XKR5: variants seen among roughly 807,000 people sequenced by gnomAD.
XKR5 encodes the protein XK related 5.
A neutral mutation model predicts 40.8 loss-of-function variants in XKR5; 46 were observed. The ratio of observed to expected loss-of-function variants is 1.13; its 90% CI spans 0.89 to 1.44. The LOEUF is 1.44. XKR5 is among the 40% of genes most tolerant of loss of function. XKR5 has a pLI of 0.00. For synonymous variants in XKR5, 466 were observed against 356.1 expected (o/e 1.31, Z -3.48); for missense variants, 1,169 against 844.7 (o/e 1.38, Z -4.76).
chr8:6,811,707 C>A lies in XKR5; in HGVS notation c.1552G>T (p.Ala518Ser), dbSNP rs766723049. ...GEGTPKEGAD[A>S]VSGTQGKGTG... ...CCCTTCCCCTGTGTCCCAGAAACAG[C>A]GTCAGCTCCTTCCTTTGGGGTGCCC... The change falls in exon 7 of 7, where the codon GCT becomes TCT. Residue 518 changes from alanine to serine, a missense_variant. Physicochemically the swap from Ala to Ser is moderately conservative, Grantham distance 99. Transcript: ENST00000618742. The A allele has an allele frequency of 2.6e-6, 4 of 1,537,540 alleles. No individual in the cohort carries two copies. The African/African-American group carries it at 4.1e-5, about 16-fold the overall frequency.
intron 5 of XKR5, among the ~76,000 whole-genome samples, chr8:6,817,662 G>T (rs576137001): frequency 1.4e-4 from 21 of 152,332 alleles, no homozygotes; most frequent in Non-Finnish European, 2.4e-4. Context: ...TTGGTGCTGG[G>T]TGGATAGGAC....
intron 5 of XKR5, among the ~76,000 whole-genome samples, chr8:6,817,632 C>T (rs1369355645): frequency 6.6e-6 from 1 of 152,216 alleles, no homozygotes; most frequent in Non-Finnish European, 1.5e-5. Flanking sequence ...GGAGAAGGTA[C>T]TGTTTGTTCC....
chr8:6,821,864 C>T lies in XKR5; in HGVS notation c.807+5G>A. On this transcript the variant is annotated splice_donor_5th_base_variant and intron_variant, in intron 5 of 6. Transcript: ENST00000618742. ...AAAGTTAGGATAAAGAAAAGTGCCA[C>T]TTGCCATGTAGAACGTGACCATCCT... is the stretch of plus-strand genomic sequence containing the variant. The T allele has an allele frequency of 6.2e-7, 1 of 1,612,394 alleles. No homozygotes were observed. The highest frequency in any genetic ancestry group is 8.5e-7 in the Non-Finnish European group (1 of 1,179,176).
chr8:6,827,861 T>C (rs943065358), intron 2 of XKR5, among the ~76,000 whole-genome samples: 8 of 151,518 alleles, frequency 5.3e-5, no homozygotes, highest in African/African-American at 1.7e-4. Context: ...AGCTTGGGAG[T>C]TTGAGACCAG....
At chr8:6,815,959 C>G (rs777400016) in intron 5 of XKR5, 41 bp from the exon 6 acceptor site, 1 of 1,479,360 alleles carries the variant, frequency 6.8e-7, no homozygotes, top group Middle Eastern at 1.7e-4. Context: ...TCGTCAGGTG[C>G]ACACTGCCTA....
At chr8:6,832,552 C>T (rs1300721050) in intron 2 of XKR5, among the ~76,000 whole-genome samples, 165 bp downstream of exon 2, 1 of 151,610 alleles carries the variant, frequency 6.6e-6, no homozygotes, top group African/African-American at 2.4e-5. Flanking sequence ...GCAGGCTGGA[C>T]CCGGGCATGC....
At chr8:6,830,580 G>A (rs771720908) in intron 2 of XKR5, among the ~76,000 whole-genome samples, 9 of 152,008 alleles carry the variant, frequency 5.9e-5, no homozygotes, top group Admixed American at 3.3e-4. Flanking sequence ...GCTCTATCTT[G>A]TTTTCTAACA....
intron 5 of XKR5, among the ~76,000 whole-genome samples, chr8:6,820,186 C>T (rs1197287729): frequency 1.3e-5 from 2 of 152,260 alleles, no homozygotes; most frequent in African/African-American, 4.8e-5. Context: ...CCATCACATG[C>T]TGTAGGGATC....
chr8:6,827,403 G>A (rs1207348217), intron 2 of XKR5, among the ~76,000 whole-genome samples: 1 of 152,212 alleles, frequency 6.6e-6, no homozygotes, highest in Non-Finnish European at 1.5e-5. Context: ...GGCTCTGACT[G>A]GCAGGTGACA....
rs1368521073 is a variant in XKR5 at position 6,811,662 on chromosome 8, C to T, written c.1597G>A (p.Gly533Arg). Residue 533 changes from glycine (G) to arginine (R), a missense_variant, in exon 7 of 7, where the codon GGA (glycine) becomes AGA (arginine). Physicochemically the swap from Gly to Arg is moderately radical, Grantham distance 125. Coordinates refer to ENST00000618742, the MANE Select transcript of XKR5 (RefSeq NM_207411.5). ...QGKGTGGQQR[G>R]GEGQQSSTLY... ...GTGGAACTCTGCTGTCCTTCCCCTC[C>T]TCTCTGCTGCCCACCTGTCCCCTTC... 3 of 1,537,714 alleles carry T rather than the reference C, an allele frequency of 2.0e-6. No homozygotes were observed. The highest frequency in any genetic ancestry group is 2.6e-6 in the Non-Finnish European group (3 of 1,147,038).
chr8:6,832,742 G>C lies in XKR5; in HGVS notation c.217C>G (p.Leu73Val), dbSNP rs2117123294. 3 of 1,613,286 alleles carry C rather than the reference G, an allele frequency of 1.9e-6. No homozygotes were observed. The highest frequency in any genetic ancestry group is 1.1e-5 in the South Asian group (1 of 90,812). The change falls in exon 2 of 7, where the codon CTC becomes GTC. Residue 73 changes from leucine (L) to valine (V), a missense_variant. Leu to Val is a conservative substitution (Grantham distance 32, BLOSUM62 1). Transcript: ENST00000618742. ...CGCTTCCAAACACCAAGCTGTAGGA[G>C]GTGCAGCATCATCAAGGAGCAATGC... Reference protein sequence around the residue: ...PGHCSLMMLHLLQLGVWKRHW... With the variant: ...PGHCSLMMLHVLQLGVWKRHW...
intron 4 of XKR5, among the ~76,000 whole-genome samples, chr8:6,822,707 C>T (rs1040386257): frequency 2.0e-5 from 3 of 152,184 alleles, no homozygotes; most frequent in African/African-American, 4.8e-5. Context: ...CCAGAGATGA[C>T]AGCTCTCCTC....
At chr8:6,826,567 G>A (rs1057455256) in intron 2 of XKR5, among the ~76,000 whole-genome samples, 1 of 152,166 alleles carries the variant, frequency 6.6e-6, no homozygotes, top group Non-Finnish European at 1.5e-5. Context: ...ACTTGGAAAT[G>A]GTGGTGCTAC....
chr8:6,811,642 A>T lies in XKR5; in HGVS notation c.1617T>A (p.Ser539Arg), dbSNP rs1803694464. ...GQQRGGEGQQ[S>R]STLYFSATAE... ...CAGTGGCGCTGAAGTACAACGTGGA[A>T]CTCTGCTGTCCTTCCCCTCCTCTCT... The change falls in exon 7 of 7, where the codon AGT becomes AGA. Residue 539 changes from serine to arginine, a missense_variant. By Grantham distance (110) the Ser-to-Arg change is moderately radical. Coordinates refer to ENST00000618742, the MANE Select transcript of XKR5 (RefSeq NM_207411.5). 1 of 1,536,948 alleles carries T rather than the reference A, an allele frequency of 6.5e-7. No homozygotes were observed. Among genetic ancestry groups the T allele is most frequent in the Non-Finnish European group, 8.7e-7 (1 of 1,146,904 alleles).
chr8:6,815,881 G>T lies in XKR5; in HGVS notation c.845C>A (p.Ala282Asp). 2 of 1,604,260 alleles carry T rather than the reference G, an allele frequency of 1.2e-6. No homozygotes were observed. The highest frequency in any genetic ancestry group is 2.2e-5 in the East Asian group (1 of 44,450). Residue 282 changes from alanine to aspartate, a missense_variant, in exon 6 of 7, where the codon GCC (alanine) becomes GAC (aspartate). Transcript: ENST00000618742. ...CGATGCCCCCTGGAGAAAGTCGGTG[G>T]CCAACAGCAACAGGATGATGTTCTC... is the stretch of plus-strand genomic sequence containing the variant. ...LLENIILLLLATDFLQGASWT... is the reference protein window; with the variant it reads ...LLENIILLLLDTDFLQGASWT...
At position 6,811,808 on chromosome 8, in the gene XKR5, G is replaced by A. The variant is rs974066155; in HGVS notation, c.1451C>T (p.Thr484Ile). 7.8e-6 allele frequency: 12 copies of A among 1,537,512 alleles called. No individual in the cohort carries two copies. The highest frequency in any genetic ancestry group is 4.1e-5 in the African/African-American group (3 of 73,024). Residue 484 changes from threonine (T) to isoleucine (I), a missense_variant, in exon 7 of 7, where the codon ACC becomes ATC. Physicochemically the swap from Thr to Ile is moderately conservative, Grantham distance 89. Transcript: ENST00000618742. ...VPKAEADPLE[T>I]SSYVSFASDQ... ...GCTGGCAAAAGATACGTAACTTGAG[G>A]TTTCCAATGGGTCGGCCTCTGCTTT...
intron 1 of XKR5, among the ~76,000 whole-genome samples, 190 bp from the exon 2 acceptor site, chr8:6,833,090 C>A (rs1804845762): frequency 6.6e-6 from 1 of 152,200 alleles, no homozygotes; most frequent in African/African-American, 2.4e-5. Flanking sequence ...CAGCCAGGAG[C>A]TTGCCTTTGA....
chr8:6,831,883 C>T (rs1804781851), intron 2 of XKR5, among the ~76,000 whole-genome samples: 1 of 151,992 alleles, frequency 6.6e-6, no homozygotes, highest in South Asian at 2.1e-4. Context: ...GGCATGGTGG[C>T]ACGTGCCTGT....
rs1377354389 is a variant in XKR5 at position 6,812,130 on chromosome 8, G to T, written c.1129C>A (p.Pro377Thr). The change falls in exon 7 of 7, where the codon CCC (proline) becomes ACC (threonine). Residue 377 changes from proline to threonine, a missense_variant. Transcript: ENST00000618742. ...GGGGGGACCTGCTCAGGGGTAGGGG[G>T]CTTCCCTAAAATGGTTGGTTCATAA... The part of the protein sequence containing the change: ...ASYEPTILGK[P>T]PTPEQVPPEA... 3 of 1,549,630 alleles carry T rather than the reference G, an allele frequency of 1.9e-6. No homozygotes were observed. The highest frequency in any genetic ancestry group is 2.6e-6 in the Non-Finnish European group (3 of 1,146,988).
Sources: allele counts gnomAD v4.1 joint callset (sites outside exome capture counted in the v4.1 genomes callset), GRCh38; gene constraint gnomAD v4.1.1; transcripts MANE v1.5; gene names NCBI Gene and HGNC (gene_info 2026-07-23, HGNC 2026-07-21).